The following PI4K2B variants were observed in gnomAD, a reference collection of about 807,000 sequenced individuals.
PI4K2B encodes phosphatidylinositol 4-kinase type 2 beta, also known as phosphatidylinositol 4-kinase type 2-beta.
In PI4K2B, 46 loss-of-function variants were observed where a neutral mutation model predicts 56.6. That is an observed-to-expected ratio of 0.81 (90% confidence interval 0.64 to 1.04). The LOEUF (loss-of-function observed/expected upper bound fraction) is 1.04, where lower values mean the gene tolerates loss of function less well. Ranked by LOEUF, PI4K2B falls within the 50% of genes least tolerant of loss-of-function variation. PI4K2B has a pLI of 0.00. For synonymous variants in PI4K2B, 211 were observed against 223.8 expected (o/e 0.94, Z 0.51); for missense variants, 556 against 607.7 (o/e 0.91, Z 0.89).
At chr4:25,249,109 C>A (rs867695059) in intron 1 of PI4K2B, among the ~76,000 whole-genome samples, 6 of 152,172 alleles carry the variant, frequency 3.9e-5, no homozygotes, top group Middle Eastern at 3.2e-3. Context: ...GCACATGTTT[C>A]AGAGAGCGCC....
At chr4:25,266,399 G>C (rs1354440635) in intron 7 of PI4K2B, among the ~76,000 whole-genome samples, 1 of 152,090 alleles carries the variant, frequency 6.6e-6, no homozygotes, top group Non-Finnish European at 1.5e-5. Context: ...ATACTTAGCT[G>C]TTTTTTTAAC....
intron 6 of PI4K2B, among the ~76,000 whole-genome samples, chr4:25,261,373 A>G (rs1422582985): frequency 1.3e-5 from 2 of 152,210 alleles, no homozygotes; most frequent in African/African-American, 4.8e-5. Context: ...CAACACTGAT[A>G]TGAGAGTTAT....
chr4:25,263,840 TG>T lies in PI4K2B; in HGVS notation c.1071del (p.Trp357Ter). 7.1e-7 allele frequency: 1 copy of T among 1,410,600 alleles called. No homozygotes were observed. Among genetic ancestry groups the T allele is most frequent in the South Asian group, 1.2e-5 (1 of 85,764 alleles). 87.4% of individuals were successfully genotyped at this position (1,410,600 alleles called of 1,614,324 possible). On this transcript the variant is annotated frameshift_variant, in exon 7 of 10. Transcript: ENST00000264864. LOFTEE classifies it high-confidence loss of function. ...LAFPFKHPDE[W>X]RAYPFHWAWL... ...ATTTCCTTTTAAACATCCTGATGAA[TG>T]GAGAGCATGTGAGTATTTAGAACCT...
chr4:25,272,204 A>C (rs1716925349), intron 9 of PI4K2B, among the ~76,000 whole-genome samples: 2 of 152,032 alleles, frequency 1.3e-5, no homozygotes, highest in South Asian at 4.1e-4. Flanking sequence ...GGCCTGTTAC[A>C]AAGATGTGTC....
intron 5 of PI4K2B, 89 bp downstream of exon 5, chr4:25,259,279 T>G: frequency 1.1e-6 from 1 of 917,244 alleles, no homozygotes; most frequent in Non-Finnish European, 1.7e-6. Context: ...AAACTTTTGT[T>G]GCAGAAGTCT....
intron 6 of PI4K2B, among the ~76,000 whole-genome samples, chr4:25,261,685 T>TA (rs1452744186): frequency 6.6e-6 from 1 of 152,082 alleles, no homozygotes; most frequent in Non-Finnish European, 1.5e-5. Context: ...GGATGAAACT[T>TA]AAAATTATGC....
chr4:25,266,875 C>T (rs1189704365), intron 7 of PI4K2B, among the ~76,000 whole-genome samples: 1 of 152,122 alleles, frequency 6.6e-6, no homozygotes, highest in Non-Finnish European at 1.5e-5. Flanking sequence ...ACACTATTGC[C>T]TAGCACAATG....
intron 1 of PI4K2B, among the ~76,000 whole-genome samples, chr4:25,251,546 T>G (rs1221309241): frequency 6.6e-6 from 1 of 151,906 alleles, no homozygotes; most frequent in African/African-American, 2.4e-5. Context: ...TCCAGTGACG[T>G]GGGGGAGCAG....
At position 25,259,067 on chromosome 4, in the gene PI4K2B, T is replaced by C; in HGVS notation, c.787T>C (p.Tyr263His). 1 of 1,589,194 alleles carries C rather than the reference T, an allele frequency of 6.3e-7. No individual in the cohort carries two copies. The highest frequency in any genetic ancestry group is 8.6e-7 in the Non-Finnish European group (1 of 1,159,212). ...IGSFQLFVEGYKEAEYWLRKF... is the reference protein window; with the variant it reads ...IGSFQLFVEGHKEAEYWLRKF... ...TTCCTTTCAGTTATTTGTTGAAGGTTACAAGGAGGCTGAATATTGGCTTAG... is the reference window on the plus strand; with the variant it reads ...TTCCTTTCAGTTATTTGTTGAAGGTCACAAGGAGGCTGAATATTGGCTTAG... The change falls in exon 5 of 10, where the codon TAC (tyrosine) becomes CAC (histidine). Residue 263 changes from tyrosine to histidine, a missense_variant. Coordinates refer to ENST00000264864, the MANE Select transcript of PI4K2B (RefSeq NM_018323.4).
chr4:25,238,888 G>A (rs1048434850), intron 1 of PI4K2B, among the ~76,000 whole-genome samples: 5 of 152,056 alleles, frequency 3.3e-5, no homozygotes, highest in African/African-American at 1.2e-4. Context: ...CCCTTATCTG[G>A]CCCCACCCAC....
chr4:25,257,066 C>CT (rs1426884057), intron 4 of PI4K2B, among the ~76,000 whole-genome samples: 15 of 148,606 alleles, frequency 1.0e-4, no homozygotes, highest in South Asian at 6.5e-4. Context: ...CTTTCTCTTT[C>CT]TTTTTTTTTG....
At chr4:25,268,802 T>A (rs1283527730) in intron 8 of PI4K2B, among the ~76,000 whole-genome samples, 6 of 152,226 alleles carry the variant, frequency 3.9e-5, no homozygotes, top group Admixed American at 3.9e-4. Flanking sequence ...CTTAATTTGC[T>A]GTTTTCTTCA....
chr4:25,252,198 G>T, intron 1 of PI4K2B, 123 bp from the exon 2 acceptor site: 1 of 599,728 alleles, frequency 1.7e-6, no homozygotes, highest in African/African-American at 1.8e-5. Flanking sequence ...AGGAGGATTA[G>T]AGCAGTCTAT....
chr4:25,269,834 C>T (rs896619968), intron 9 of PI4K2B, among the ~76,000 whole-genome samples: 14 of 151,598 alleles, frequency 9.2e-5, no homozygotes, highest in Non-Finnish European at 1.6e-4. Flanking sequence ...CTGCCTCAGC[C>T]TCCCGAGTAG....
At chr4:25,268,783 A>G (rs1716758435) in intron 8 of PI4K2B, among the ~76,000 whole-genome samples, 2 of 152,220 alleles carry the variant, frequency 1.3e-5, no homozygotes, top group Admixed American at 6.5e-5. Context: ...AAGTGAGACT[A>G]CATTAAAACT....
intron 1 of PI4K2B, among the ~76,000 whole-genome samples, chr4:25,249,481 G>A (rs1334022045): frequency 6.8e-6 from 1 of 146,938 alleles, no homozygotes; most frequent in Non-Finnish European, 1.5e-5. Context: ...CCGGGCGGGG[G>A]CTGCCCCCCG....
Position 25,251,730 on chromosome 4 carries a change from A to G in PI4K2B, c.269-591A>G, listed in dbSNP as rs185764515. ...TAGAGGATGAAGTAGGATGGATGAT[A>G]GAATCATTGCAGGACCGAAGTTCAA... is the stretch of plus-strand genomic sequence containing the variant. On this transcript the variant is annotated intron_variant, in intron 1 of 9. Transcript: ENST00000264864. Among the ~76,000 whole-genome samples the G allele has an allele frequency of 3.3e-5, 5 of 152,308 alleles. No homozygotes were observed. The East Asian group carries it at 7.7e-4, about 23-fold the overall frequency.
At position 25,268,566 on chromosome 4, in the gene PI4K2B, A is replaced by C; in HGVS notation, c.1202A>C (p.Glu401Ala). Residue 401 changes from glutamate to alanine, a missense_variant, in exon 8 of 10, where the codon GAA (glutamate) becomes GCA (alanine). By Grantham distance (107) the Glu-to-Ala change is moderately radical. Transcript: ENST00000264864. ...FVQDLCEDLY[E>A]LFKTDKGFDK... ...CAAGATTTATGTGAAGATCTCTATG[A>C]ACTTTTTAAGGTAAGTTAATGCTTA... is the stretch of plus-strand genomic sequence containing the variant. 1 of 1,569,670 alleles carries C rather than the reference A, an allele frequency of 6.4e-7. No individual in the cohort carries two copies. Among genetic ancestry groups the C allele is most frequent in the African/African-American group, 1.4e-5 (1 of 73,062 alleles).
chr4:25,244,234 G>A (rs954525502), intron 1 of PI4K2B, among the ~76,000 whole-genome samples: 6 of 151,608 alleles, frequency 4.0e-5, no homozygotes, highest in South Asian at 4.2e-4. Flanking sequence ...CCAATAGCCC[G>A]GGGGTTTGTG....
Sources: allele counts gnomAD v4.1 joint callset (sites outside exome capture counted in the v4.1 genomes callset), GRCh38; gene constraint gnomAD v4.1.1; transcripts MANE v1.5; gene names NCBI Gene and HGNC (gene_info 2026-07-23, HGNC 2026-07-21).